Variants in ERC2 observed in about 807,000 individuals in gnomAD.
ERC2 encodes ELKS/RAB6-interacting/CAST family member 2, also known as ERC protein 2.
A neutral mutation model predicts 114.8 loss-of-function variants in ERC2; 42 were observed. That is an observed-to-expected ratio of 0.37 (90% confidence interval 0.29 to 0.47). The LOEUF (loss-of-function observed/expected upper bound fraction) is 0.47, where lower values mean the gene tolerates loss of function less well. Among genes scored for constraint, ERC2 ranks in the 20% least tolerant of loss-of-function variants. The pLI is 0.99. For synonymous variants in ERC2, 454 were observed against 425.5 expected (o/e 1.07, Z -0.82); for missense variants, 939 against 1,150.7 (o/e 0.82, Z 2.66).
chr3:55,806,026 C>T (rs1218405542), intron 14 of ERC2, among the ~76,000 whole-genome samples: 1 of 152,028 alleles, frequency 6.6e-6, no homozygotes, highest in Non-Finnish European at 1.5e-5. Context: ...GAAGGAAAGC[C>T]TGTTATCTAA....
At chr3:55,643,277 T>A (rs2060262314) in intron 17 of ERC2, among the ~76,000 whole-genome samples, 1 of 152,242 alleles carries the variant, frequency 6.6e-6, no homozygotes, top group South Asian at 2.1e-4. Flanking sequence ...ACTTCTTTGA[T>A]ACTGATATTT....
chr3:55,692,443 CACA>C (rs1559507318), intron 16 of ERC2, among the ~76,000 whole-genome samples: 1 of 152,184 alleles, frequency 6.6e-6, no homozygotes, highest in East Asian at 1.9e-4. Context: ...TGCCTCCAGC[CACA>C]ACATCGATGA....
intron 7 of ERC2, among the ~76,000 whole-genome samples, chr3:56,074,812 C>T (rs1330932483): frequency 6.6e-6 from 1 of 152,168 alleles, no homozygotes; most frequent in Non-Finnish European, 1.5e-5. Context: ...GTGGGCTTGA[C>T]ATTTTGCTGG....
At chr3:56,405,209 T>C (rs6808395) in intron 2 of ERC2, among the ~76,000 whole-genome samples, 150,691 of 152,274 alleles carry the variant, frequency 0.99, 74,578 homozygotes, top group Middle Eastern at 1. Flanking sequence ...CTTGGGAGGC[T>C]GAGACAGGCA....
chr3:56,377,051 G>T (rs940653139), intron 2 of ERC2, among the ~76,000 whole-genome samples: 21 of 152,064 alleles, frequency 1.4e-4, no homozygotes, highest in African/African-American at 4.6e-4. Flanking sequence ...CCCTTAACAT[G>T]CTTAACTCAA....
At chr3:55,744,615 C>A (rs1461581569) in intron 14 of ERC2, among the ~76,000 whole-genome samples, 5 of 152,178 alleles carry the variant, frequency 3.3e-5, no homozygotes, top group African/African-American at 9.6e-5. Context: ...ATGAGGTGAG[C>A]ACCAAGTGGT....
intron 2 of ERC2, among the ~76,000 whole-genome samples, chr3:56,405,600 C>A: frequency 6.6e-6 from 1 of 151,404 alleles, no homozygotes; most frequent in East Asian, 1.9e-4. Flanking sequence ...AGATACATAG[C>A]ATAGATAGAT....
intron 7 of ERC2, among the ~76,000 whole-genome samples, chr3:56,026,372 G>T (rs17056382): frequency 0.03 from 4,527 of 152,148 alleles, 117 homozygotes; most frequent in Non-Finnish European, 0.044. Context: ...TTCTTGAACC[G>T]ATCTCCATTC....
chr3:56,029,353 G>C (rs1375497153), intron 7 of ERC2, among the ~76,000 whole-genome samples: 2 of 151,770 alleles, frequency 1.3e-5, no homozygotes, highest in African/African-American at 4.9e-5. Context: ...TCATAAATTA[G>C]TAGGAAAGTG....
At chr3:55,623,899 T>C (rs1227308874) in intron 17 of ERC2, among the ~76,000 whole-genome samples, 2 of 152,228 alleles carry the variant, frequency 1.3e-5, no homozygotes, top group Admixed American at 6.5e-5. Context: ...AAATTTATGT[T>C]CAAGTGCTAT....
At chr3:56,228,869 G>A (rs1454970099) in intron 3 of ERC2, among the ~76,000 whole-genome samples, 1 of 152,150 alleles carries the variant, frequency 6.6e-6, no homozygotes, top group Non-Finnish European at 1.5e-5. Flanking sequence ...GCTGCACTTA[G>A]ATGCCTACTT....
In ERC2 at chr3:56,136,928, G is replaced by A. The variant is rs114997573; in HGVS notation, c.1473+2581C>T. ...AATCATCTCACTTTCTCTGCACACG[G>A]AGAATAATTTTTTTCTACTTCAAAG... is the stretch of plus-strand genomic sequence containing the variant. On this transcript the variant is annotated intron_variant, in intron 6 of 17. Coordinates refer to ENST00000288221, the MANE Select transcript of ERC2 (RefSeq NM_015576.3). Among the ~76,000 whole-genome samples, 950 of 152,248 alleles carry A rather than the reference G, an allele frequency of 6.2e-3. 9 individuals carry two copies. Among genetic ancestry groups the A allele is most frequent in the African/African-American group, 0.021 (880 of 41,538 alleles).
At chr3:55,674,661 C>T (rs1157090019) in intron 17 of ERC2, among the ~76,000 whole-genome samples, 1 of 152,148 alleles carries the variant, frequency 6.6e-6, no homozygotes, top group African/African-American at 2.4e-5. Flanking sequence ...ATATGGGAGT[C>T]TGCCTTTTTA....
chr3:55,736,258 C>T (rs2065628115), intron 14 of ERC2, among the ~76,000 whole-genome samples: 1 of 152,196 alleles, frequency 6.6e-6, no homozygotes, highest in Non-Finnish European at 1.5e-5. Context: ...TTACGCTAAT[C>T]AGCCATGACA....
chr3:56,420,607 C>T (rs374623908), intron 2 of ERC2, among the ~76,000 whole-genome samples: 12 of 151,858 alleles, frequency 7.9e-5, no homozygotes, highest in East Asian at 3.9e-4. Context: ...ATTTGGGGGC[C>T]GGGTGTGGTG....
rs1395568259 is a variant in ERC2, at chr3:56,025,005, C to A, written c.1642-5974G>T. Among the ~76,000 whole-genome samples, 6 of 152,268 alleles carry A rather than the reference C, an allele frequency of 3.9e-5. No homozygotes were observed. In the South Asian group the frequency reaches 1.2e-3, roughly 32 times the overall value. ...ATGGACAAGTTCAGGTGTTGTTGAA[C>A]CTGTGTCGCACGTGGCTGGAACTGC... On this transcript the variant is annotated intron_variant, in intron 7 of 17. Coordinates refer to ENST00000288221, the MANE Select transcript of ERC2 (RefSeq NM_015576.3).
chr3:55,668,551 CT>C (rs1439535126), intron 17 of ERC2, among the ~76,000 whole-genome samples: 2 of 152,222 alleles, frequency 1.3e-5, no homozygotes, highest in African/African-American at 4.8e-5. Context: ...CCATTGGGGT[CT>C]GCCGGCTGAT....
At chr3:55,538,131 T>A (rs938912044) in intron 17 of ERC2, among the ~76,000 whole-genome samples, 2 of 152,232 alleles carry the variant, frequency 1.3e-5, no homozygotes, top group African/African-American at 4.8e-5. Context: ...CTCTTCCTGT[T>A]TGGGGTTTTT....
intron 14 of ERC2, among the ~76,000 whole-genome samples, chr3:55,879,145 G>C (rs2063006940): frequency 8.3e-6 from 1 of 120,806 alleles, no homozygotes; most frequent in African/African-American, 3.3e-5. Flanking sequence ...AGTCCCTCAA[G>C]GGAAGGAACG....
Sources: gnomAD v4.1 joint callset for allele counts (sites outside exome capture counted in the v4.1 genomes callset) on GRCh38, gnomAD v4.1.1 for gene constraint, MANE v1.5 for transcripts, NCBI Gene and HGNC (gene_info 2026-07-23, HGNC 2026-07-21) for gene names.